Variants in DIAPH2 observed in about 807,000 individuals in gnomAD.
The protein encoded by DIAPH2 is diaphanous related formin 2.
Under a neutral mutation model 92.7 loss-of-function variants are expected in DIAPH2, and 35 were observed. The observed-to-expected ratio is 0.38, with a 90% CI of 0.29 to 0.50. The LOEUF (loss-of-function observed/expected upper bound fraction) is 0.50, where lower values mean the gene tolerates loss of function less well. Ranked by LOEUF, DIAPH2 falls within the 20% of genes least tolerant of loss-of-function variation. The probability of loss-of-function intolerance (pLI) is 0.94; values close to 1 mark genes in which losing one functional copy is unlikely to be tolerated. For missense variants in DIAPH2, 701 were observed against 819.5 expected, an observed-to-expected ratio of 0.86 and a Z score of 1.77; for synonymous variants, 301 against 280.4, an observed-to-expected ratio of 1.07 and a Z score of -0.73.
At chrX:97,369,820 T>G (rs1008735034) in intron 24 of DIAPH2, among the ~76,000 whole-genome samples, 4 of 111,232 alleles carry the variant, frequency 3.6e-5, no homozygotes, top group Non-Finnish European at 7.6e-5. Context: ...TTAATCTACT[T>G]CTTTGAAAGA....
intron 5 of DIAPH2, among the ~76,000 whole-genome samples, chrX:96,898,078 G>A (rs1189152103): frequency 1.1e-5 from 1 of 91,916 alleles, no homozygotes; most frequent in Non-Finnish European, 2.2e-5. Context: ...TGGCTGCATA[G>A]TATTCCATGG....
At chrX:96,973,756 C>T (rs375060339) in intron 17 of DIAPH2, among the ~76,000 whole-genome samples, 194 of 90,016 alleles carry the variant, frequency 2.2e-3, no homozygotes, top group African/African-American at 8.2e-3. Context: ...AGTGCAATGG[C>T]GTGATCTCAG....
At chrX:97,018,896 C>T (rs1244228177) in intron 17 of DIAPH2, among the ~76,000 whole-genome samples, 2 of 111,632 alleles carry the variant, frequency 1.8e-5, no homozygotes, top group Admixed American at 9.5e-5. Context: ...CTTCCGTGCC[C>T]TACCTATTCA....
chrX:97,049,706 A>G (rs1302853064), intron 17 of DIAPH2, among the ~76,000 whole-genome samples: 1 of 111,100 alleles, frequency 9.0e-6, no homozygotes, highest in Non-Finnish European at 1.9e-5. Context: ...TTATTTTGAT[A>G]TCACTCATGT....
At chrX:97,214,966 A>G (rs888871385) in intron 22 of DIAPH2, among the ~76,000 whole-genome samples, 2 of 110,905 alleles carry the variant, frequency 1.8e-5, no homozygotes, top group Non-Finnish European at 3.8e-5. Flanking sequence ...TTTAGATAAG[A>G]AATGCTTAAC....
At chrX:96,787,776 C>T (rs945731396) in intron 4 of DIAPH2, among the ~76,000 whole-genome samples, 7 of 103,433 alleles carry the variant, frequency 6.8e-5, no homozygotes, top group Admixed American at 1.1e-4. Flanking sequence ...CTGCAACCTC[C>T]GCCTCCCGGG....
chrX:97,053,922 T>C (rs1376962127), intron 17 of DIAPH2, among the ~76,000 whole-genome samples: 2 of 112,018 alleles, frequency 1.8e-5, no homozygotes, highest in Non-Finnish European at 3.8e-5. Context: ...GGCTCTAGGA[T>C]CACCCACAGT....
At chrX:97,380,921 A>C (rs761947818) in intron 24 of DIAPH2, among the ~76,000 whole-genome samples, 399 of 111,757 alleles carry the variant, frequency 3.6e-3, no homozygotes, top group African/African-American at 0.012. Flanking sequence ...TAAAGATTAC[A>C]CATTGCCATT....
At chrX:97,185,902 A>G (rs1360555307) in intron 22 of DIAPH2, among the ~76,000 whole-genome samples, 3 of 110,504 alleles carry the variant, frequency 2.7e-5, no homozygotes, top group African/African-American at 9.9e-5. Flanking sequence ...ATAGGTTCCC[A>G]TCCTAAATTA....
At chrX:97,375,128 T>C (rs1352557219) in intron 24 of DIAPH2, among the ~76,000 whole-genome samples, 1 of 111,808 alleles carries the variant, frequency 8.9e-6, no homozygotes, top group African/African-American at 3.2e-5. Context: ...TATCACCTCT[T>C]TTCTCCTTGG....
chrX:97,370,286 G>C (rs750272523), intron 24 of DIAPH2, among the ~76,000 whole-genome samples: 2 of 111,625 alleles, frequency 1.8e-5, no homozygotes, highest in Admixed American at 1.9e-4. Flanking sequence ...AGTATGTCCA[G>C]AGAGATTTCT....
chrX:97,447,332 T>C (rs2070320559), intron 26 of DIAPH2, among the ~76,000 whole-genome samples: 1 of 111,053 alleles, frequency 9.0e-6, no homozygotes, highest in Admixed American at 9.6e-5. Flanking sequence ...CGGGCTATCA[T>C]TTCTTCCTGT....
chrX:97,519,326 G>A (rs183271992), intron 26 of DIAPH2, among the ~76,000 whole-genome samples: 1 of 111,096 alleles, frequency 9.0e-6, no homozygotes, highest in African/African-American at 3.3e-5. Context: ...CATGTCCTCC[G>A]TTGCATTGAA....
At chrX:96,793,619 C>T (rs2064517125) in intron 4 of DIAPH2, 1 of 372,718 alleles carries the variant, frequency 2.7e-6, no homozygotes, top group African/African-American at 2.6e-5. Flanking sequence ...CTCACTGTAT[C>T]CTCACATATT....
chrX:97,575,995 C>T (rs766698784), intron 26 of DIAPH2, among the ~76,000 whole-genome samples: 9 of 111,702 alleles, frequency 8.1e-5, no homozygotes, highest in Non-Finnish European at 1.7e-4. Flanking sequence ...GGCAGCCAAG[C>T]AAGGCGATAG....
chrX:96,793,585 T>G (rs1298277303), intron 4 of DIAPH2: 1 of 372,253 alleles, frequency 2.7e-6, no homozygotes, highest in Non-Finnish European at 5.2e-6. Flanking sequence ...AGGGCCCTTT[T>G]CCTGGCTTTC....
intron 4 of DIAPH2, among the ~76,000 whole-genome samples, chrX:96,810,462 G>T (rs1320559678): frequency 2.7e-5 from 3 of 111,540 alleles, no homozygotes; most frequent in Non-Finnish European, 5.6e-5. Flanking sequence ...CTCCCATCCT[G>T]TAGGTTGCCT....
chrX:96,922,707 G>A (rs1350158568), intron 9 of DIAPH2, among the ~76,000 whole-genome samples: 5 of 111,494 alleles, frequency 4.5e-5, no homozygotes, highest in Non-Finnish European at 5.7e-5. Context: ...ATATGTTTGC[G>A]CCATACTACA....
chrX:97,214,297 G>A (rs996003584), intron 22 of DIAPH2, among the ~76,000 whole-genome samples: 10 of 111,089 alleles, frequency 9.0e-5, no homozygotes, highest in Non-Finnish European at 1.7e-4. Flanking sequence ...GTGCATGTGT[G>A]TATAGTGTTA....
Sources: gnomAD v4.1 joint callset for allele counts (sites outside exome capture counted in the v4.1 genomes callset) on GRCh38, gnomAD v4.1.1 for gene constraint, MANE v1.5 for transcripts, NCBI Gene and HGNC (gene_info 2026-07-23, HGNC 2026-07-21) for gene names.